The following SYNC variants were observed in gnomAD, a reference collection of about 807,000 sequenced individuals.
The protein encoded by SYNC is syncoilin, intermediate filament protein.
Under a neutral mutation model 49.5 loss-of-function variants are expected in SYNC, and 38 were observed. That is an observed-to-expected ratio of 0.77 (90% confidence interval 0.59 to 1.01). The LOEUF (loss-of-function observed/expected upper bound fraction) is 1.01. Ranked by LOEUF, SYNC falls within the 50% of genes least tolerant of loss-of-function variation. SYNC has a pLI of 0.00. For synonymous variants in SYNC, 201 were observed against 230.8 expected (o/e 0.87, Z 1.17); for missense variants, 579 against 580.6 (o/e 1.00, Z 0.03).
At chr1:32,686,892 CT>C (rs759790342) in intron 2 of SYNC, among the ~76,000 whole-genome samples, 1 of 152,190 alleles carries the variant, frequency 6.6e-6, no homozygotes, top group Non-Finnish European at 1.5e-5. Flanking sequence ...GGTTCTCAAA[CT>C]TTTCTGTGCA....
chr1:32,687,221 C>T (rs1167709271), intron 2 of SYNC, among the ~76,000 whole-genome samples: 14 of 151,776 alleles, frequency 9.2e-5, no homozygotes, highest in East Asian at 1.9e-4. Flanking sequence ...ATTAGCCGGG[C>T]GTGGTGGCAG....
At chr1:32,700,183 G>A (rs1650611523) in intron 1 of SYNC, among the ~76,000 whole-genome samples, 1 of 152,100 alleles carries the variant, frequency 6.6e-6, no homozygotes, top group Non-Finnish European at 1.5e-5. Context: ...CACCTAACTA[G>A]AGAACCCTGT....
chr1:32,681,776 T>C lies in SYNC; in HGVS notation c.*74A>G. Reference sequence around the variant, plus strand: ...ACTCTTGTCTGGTTGGAAGAGTACATCCAAAGGGTACTTAGTGATCCTTTG... The same window carrying C: ...ACTCTTGTCTGGTTGGAAGAGTACACCCAAAGGGTACTTAGTGATCCTTTG... On this transcript the variant is annotated 3_prime_UTR_variant, in exon 5 of 5. Coordinates refer to ENST00000409190, the MANE Select transcript of SYNC (RefSeq NM_030786.3). 6.2e-7 allele frequency: 1 copy of C among 1,613,482 alleles called. No homozygotes were observed.
chr1:32,694,287 A>T (rs1650299609), intron 2 of SYNC, among the ~76,000 whole-genome samples: 1 of 151,902 alleles, frequency 6.6e-6, no homozygotes, highest in African/African-American at 2.4e-5. Flanking sequence ...TGAACCTGAG[A>T]GGTCGAGGCT....
intron 2 of SYNC, among the ~76,000 whole-genome samples, chr1:32,693,147 A>G (rs1422624597): frequency 2.0e-5 from 3 of 150,640 alleles, no homozygotes; most frequent in African/African-American, 7.3e-5. Flanking sequence ...CAGTGGTGCA[A>G]TCTCAGCTCA....
Position 32,698,362 on chromosome 1 carries a change from C to CA in SYNC, c.54-2319dup, listed in dbSNP as rs1650525138. Reference sequence around the variant, plus strand: ...TGAAACCCCGTCTCTACTAAAAGTACAAAAAAATTAGCCAGGCGTGGTGGC... The same window carrying CA: ...TGAAACCCCGTCTCTACTAAAAGTACAAAAAAAATTAGCCAGGCGTGGTGGC... On this transcript the variant is annotated intron_variant, in intron 1 of 4. Coordinates refer to ENST00000409190, the MANE Select transcript of SYNC (RefSeq NM_030786.3). Among the ~76,000 whole-genome samples the CA allele has an allele frequency of 2.0e-5, 3 of 151,216 alleles. No individual in the cohort carries two copies. The South Asian group carries it at 6.3e-4, about 32-fold the overall frequency.
At chr1:32,701,141 C>CTGA (rs1650650316) in intron 1 of SYNC, among the ~76,000 whole-genome samples, 1 of 152,134 alleles carries the variant, frequency 6.6e-6, no homozygotes, top group African/African-American at 2.4e-5. Flanking sequence ...TCTTGAACTC[C>CTGA]TGACCTCAGG....
chr1:32,682,850 A>C (rs1277290789), intron 4 of SYNC: 1 of 152,172 alleles, frequency 6.6e-6, no homozygotes, highest in Admixed American at 6.5e-5. Context: ...GTACAACTTG[A>C]CACGGACTTT....
Position 32,681,734 on chromosome 1 carries a change from C to T in SYNC, c.*116G>A. On this transcript the variant is annotated 3_prime_UTR_variant, in exon 5 of 5. Coordinates refer to ENST00000409190, the MANE Select transcript of SYNC (RefSeq NM_030786.3). ...TTTGCAACTTCCACAGGATGAATTG[C>T]TTGCCAAGTTTCTGGCACTCTTGTC... The T allele has an allele frequency of 6.4e-7, 1 of 1,560,102 alleles. No individual in the cohort carries two copies. The highest frequency in any genetic ancestry group is 1.7e-5 in the Admixed American group (1 of 58,466).
At chr1:32,694,806 C>G (rs1247303819) in intron 2 of SYNC, 59 bp downstream of exon 2, 1 of 1,471,306 alleles carries the variant, frequency 6.8e-7, no homozygotes, top group African/African-American at 1.4e-5. Flanking sequence ...ACCTTGGACT[C>G]TGGCCACTCT....
Position 32,695,013 on chromosome 1 carries a change from T to C in SYNC, c.1085A>G (p.Gln362Arg). 1 of 1,614,064 alleles carries C rather than the reference T, an allele frequency of 6.2e-7. No homozygotes were observed. Among genetic ancestry groups the C allele is most frequent in the Non-Finnish European group, 8.5e-7 (1 of 1,179,996 alleles). Reference protein sequence around the residue: ...ERKEAGTKALQRTQAEIQEMK... With the variant: ...ERKEAGTKALRRTQAEIQEMK... ...TTCCTGGATCTCAGCCTGGGTTCTC[T>C]GCAGAGCTTTGGTCCCAGCTTCTTT... The change falls in exon 2 of 5, where the codon CAG (glutamine) becomes CGG (arginine). Residue 362 changes from glutamine to arginine, a missense_variant. Coordinates refer to ENST00000409190, the MANE Select transcript of SYNC (RefSeq NM_030786.3).
intron 1 of SYNC, among the ~76,000 whole-genome samples, chr1:32,699,500 C>G (rs419329): frequency 2.6e-5 from 4 of 151,884 alleles, no homozygotes; most frequent in Non-Finnish European, 5.9e-5. Context: ...CTCCATCCCC[C>G]TCTTCTGCAT....
intron 2 of SYNC, among the ~76,000 whole-genome samples, chr1:32,693,841 T>G (rs1650278092): frequency 2.0e-5 from 3 of 152,204 alleles, no homozygotes; most frequent in Non-Finnish European, 2.9e-5. Flanking sequence ...AGGATTCTAT[T>G]AAGGTTGGTG....
intron 1 of SYNC, among the ~76,000 whole-genome samples, chr1:32,698,138 G>A (rs1444580349): frequency 4.0e-5 from 6 of 149,762 alleles, no homozygotes; most frequent in Admixed American, 3.4e-4. Flanking sequence ...CACAAGAATC[G>A]CTTGAACCTG....
At chr1:32,700,466 C>T (rs936241962) in intron 1 of SYNC, among the ~76,000 whole-genome samples, 9 of 152,128 alleles carry the variant, frequency 5.9e-5, no homozygotes, top group African/African-American at 1.4e-4. Flanking sequence ...GAGGCCGAGG[C>T]GGGTGGATCA....
intron 2 of SYNC, among the ~76,000 whole-genome samples, chr1:32,686,467 T>C (rs899698277): frequency 1.3e-5 from 2 of 152,186 alleles, no homozygotes; most frequent in Non-Finnish European, 2.9e-5. Context: ...CCAGTTTTAA[T>C]TTTCTACATA....
chr1:32,698,613 GT>G (rs1191394757), intron 1 of SYNC, among the ~76,000 whole-genome samples: 2 of 152,086 alleles, frequency 1.3e-5, no homozygotes, highest in Non-Finnish European at 2.9e-5. Flanking sequence ...CTTCTATCCT[GT>G]CAAACGCTCT....
In SYNC at chr1:32,680,736, G is replaced by C. The variant is rs570926042; in HGVS notation, c.*1114C>G. ...TTCTAGAAGAGTCCTTCAGATGACA[G>C]TTGTTGTCCATGGTCTTTGACTATC... On this transcript the variant is annotated 3_prime_UTR_variant, in exon 5 of 5. Coordinates refer to ENST00000409190, the MANE Select transcript of SYNC (RefSeq NM_030786.3). 2 of 548,336 alleles carry C rather than the reference G, an allele frequency of 3.6e-6. No individual in the cohort carries two copies. The highest frequency in any genetic ancestry group is 3.1e-5 in the East Asian group (1 of 31,976). 34.0% of individuals were successfully genotyped at this position (548,336 alleles called of 1,614,324 possible). A position where few individuals can be genotyped will look rare whatever the true frequency, so the allele number is the denominator to read the frequency against.
At position 32,695,387 on chromosome 1, in the gene SYNC, C is replaced by T. The variant is rs1378947364; in HGVS notation, c.711G>A (p.Glu237=). Residue 237 remains glutamate, a synonymous_variant, in exon 2 of 5, where the codon GAG becomes GAA. Coordinates refer to ENST00000409190, the MANE Select transcript of SYNC (RefSeq NM_030786.3). ...GCTTCTGCTTGACCAGCCGGATCTC[C>T]TCCCTTAGGCCATCTCTCTCCAGCT... The part of the protein sequence containing the change: ...QAELERDGLR[E]EIRLVKQKLF... 1.3e-6 allele frequency: 2 copies of T among 1,551,766 alleles called. No individual in the cohort carries two copies. Among genetic ancestry groups the T allele is most frequent in the East Asian group, 2.4e-5 (1 of 40,830 alleles).
Sources: gnomAD v4.1 joint callset for allele counts (sites outside exome capture counted in the v4.1 genomes callset) on GRCh38, gnomAD v4.1.1 for gene constraint, MANE v1.5 for transcripts, NCBI Gene and HGNC (gene_info 2026-07-23, HGNC 2026-07-21) for gene names.